ABTB3: variants seen among roughly 807,000 people sequenced by gnomAD.
ABTB3 encodes the protein ankyrin repeat and BTB domain containing 3.
At chr12:107,657,527 C>G in the ABTB3 span, 2 of 1,614,180 alleles carry the variant, frequency 1.2e-6, no homozygotes, top group South Asian at 2.2e-5. Context: ...AGTCACAGAG[C>G]TCTCAGCATA....
At chr12:107,577,942 T>C in the ABTB3 span, among the ~76,000 whole-genome samples, 1 of 152,156 alleles carries the variant, frequency 6.6e-6, no homozygotes, top group Non-Finnish European at 1.5e-5. Flanking sequence ...TCAAGCTTCT[T>C]TTGGGTTTTA....
At chr12:107,421,066 A>G in the ABTB3 span, among the ~76,000 whole-genome samples, 1 of 152,190 alleles carries the variant, frequency 6.6e-6, no homozygotes, top group Non-Finnish European at 1.5e-5. Context: ...TTATTGTTTG[A>G]GGCTTTTCTT....
chr12:107,653,053 C>T, the ABTB3 span, among the ~76,000 whole-genome samples: 1 of 152,174 alleles, frequency 6.6e-6, no homozygotes, highest in African/African-American at 2.4e-5. Flanking sequence ...GGATTACAGG[C>T]ATGAGCCATC....
the ABTB3 span, among the ~76,000 whole-genome samples, chr12:107,566,220 T>C: frequency 6.6e-6 from 1 of 152,180 alleles, no homozygotes; most frequent in Non-Finnish European, 1.5e-5. Context: ...TTCCTTCCTT[T>C]CTCTGTGTTC....
the ABTB3 span, among the ~76,000 whole-genome samples, chr12:107,481,545 T>C: frequency 6.6e-6 from 1 of 151,966 alleles, no homozygotes; most frequent in Admixed American, 6.6e-5. Flanking sequence ...TACCTATAGC[T>C]CACCCCCATA....
chr12:107,536,799 C>T, the ABTB3 span, among the ~76,000 whole-genome samples: 1 of 152,254 alleles, frequency 6.6e-6, no homozygotes, highest in East Asian at 1.9e-4. Context: ...TTAGTACAGT[C>T]ATTATGAAGA....
chr12:107,555,905 G>A, the ABTB3 span, among the ~76,000 whole-genome samples: 6,218 of 152,170 alleles, frequency 0.041, 415 homozygotes, highest in African/African-American at 0.14. Flanking sequence ...GTAGAGACCA[G>A]GGACCAACTC....
the ABTB3 span, among the ~76,000 whole-genome samples, chr12:107,613,296 T>C: frequency 0.017 from 2,590 of 152,220 alleles, 75 homozygotes; most frequent in African/African-American, 0.059. Flanking sequence ...ATCCCTAAGC[T>C]GAAGTCTTCC....
chr12:107,396,572 A>G, the ABTB3 span, among the ~76,000 whole-genome samples: 1 of 126,558 alleles, frequency 7.9e-6, no homozygotes, highest in East Asian at 2.4e-4. Context: ...CAAAATAGTG[A>G]CAAAGATGAA....
chr12:107,431,471 T>A, the ABTB3 span, among the ~76,000 whole-genome samples: 6 of 152,038 alleles, frequency 3.9e-5, no homozygotes, highest in African/African-American at 1.5e-4. Flanking sequence ...TAGCCGGGCG[T>A]GGTGGCGCAT....
the ABTB3 span, among the ~76,000 whole-genome samples, chr12:107,630,377 G>A: frequency 6.6e-6 from 1 of 152,200 alleles, no homozygotes; most frequent in East Asian, 1.9e-4. Context: ...TGAAGTGTAG[G>A]GAGCCCCCTG....
chr12:107,500,918 T>C, the ABTB3 span, among the ~76,000 whole-genome samples: 1 of 152,206 alleles, frequency 6.6e-6, no homozygotes. Flanking sequence ...TAACATGCCT[T>C]ATGAGACCTT....
At chr12:107,521,263 TTGTGTGTGTGTGTGTGTGTG>T in the ABTB3 span, among the ~76,000 whole-genome samples, 1 of 142,864 alleles carries the variant, frequency 7.0e-6, no homozygotes, top group African/African-American at 2.6e-5. Context: ...TTCATATAAG[TTGTGTGTGTGTGTGTGTGTG>T]TGTGTGTGTG....
the ABTB3 span, among the ~76,000 whole-genome samples, chr12:107,451,791 C>T: frequency 1.1e-3 from 170 of 152,252 alleles, 1 homozygote; most frequent in African/African-American, 3.6e-3. Context: ...CTCCCGTTTG[C>T]CCTTTGAGAC....
At chr12:107,625,996 C>G in the ABTB3 span, among the ~76,000 whole-genome samples, 1 of 152,136 alleles carries the variant, frequency 6.6e-6, no homozygotes. Context: ...TAGGCTATCC[C>G]TTTAGTGGTC....
At chr12:107,549,099 T>C in the ABTB3 span, among the ~76,000 whole-genome samples, 1 of 152,304 alleles carries the variant, frequency 6.6e-6, no homozygotes, top group South Asian at 2.1e-4. Flanking sequence ...CAGACATTTA[T>C]ATCAGGGAAA....
the ABTB3 span, among the ~76,000 whole-genome samples, chr12:107,419,290 C>T: frequency 6.6e-6 from 1 of 152,196 alleles, no homozygotes; most frequent in Non-Finnish European, 1.5e-5. Flanking sequence ...GCATTCTATC[C>T]CTCCAGGCAC....
At chr12:107,412,084 C>A in the ABTB3 span, among the ~76,000 whole-genome samples, 5 of 152,220 alleles carry the variant, frequency 3.3e-5, no homozygotes, top group Admixed American at 1.3e-4. Context: ...GATCTTATTA[C>A]AGCAATTGAC....
At chr12:107,469,934 CTT>C in the ABTB3 span, among the ~76,000 whole-genome samples, 1,662 of 89,348 alleles carry the variant, frequency 0.019, 147 homozygotes, top group African/African-American at 0.042. Flanking sequence ...CTCTCTCTCT[CTT>C]TCTTTCTCTT....
Sources: allele counts gnomAD v4.1 joint callset (sites outside exome capture counted in the v4.1 genomes callset), GRCh38; gene constraint gnomAD v4.1.1; transcripts MANE v1.5; gene names NCBI Gene and HGNC (gene_info 2026-07-23, HGNC 2026-07-21).